The following COL16A1 variants were observed in gnomAD, a reference collection of about 807,000 sequenced individuals.
COL16A1 encodes collagen alpha-1(XVI) chain.
A neutral mutation model predicts 266.3 loss-of-function variants in COL16A1; 189 were observed. The ratio of observed to expected loss-of-function variants is 0.71; its 90% CI spans 0.63 to 0.80. COL16A1 has a LOEUF of 0.80. Among genes scored for constraint, COL16A1 ranks in the 30% least tolerant of loss-of-function variants. The pLI is 0.00. For synonymous variants in COL16A1, 740 were observed against 782.3 expected (o/e 0.95, Z 0.90); for missense variants, 1,928 against 2,122.4 (o/e 0.91, Z 1.80).
chr1:31,682,932 A>G lies in COL16A1; in HGVS notation c.2538+2T>C. On this transcript the variant is annotated splice_donor_variant, in intron 37 of 70. Coordinates refer to ENST00000373672, the MANE Select transcript of COL16A1 (RefSeq NM_001856.4). LOFTEE classifies it high-confidence loss of function. ...CCAGCATGGAGCACAGAGAAGACTTACCGGAGGCCCAGAGACACTGGCCCC... is the reference window on the plus strand; with the variant it reads ...CCAGCATGGAGCACAGAGAAGACTTGCCGGAGGCCCAGAGACACTGGCCCC... The G allele has an allele frequency of 6.2e-7, 1 of 1,613,996 alleles. No homozygotes were observed. Among genetic ancestry groups the G allele is most frequent in the East Asian group, 2.2e-5 (1 of 44,878 alleles).
chr1:31,680,126 G>T, intron 39 of COL16A1, 25 bp from the exon 40 acceptor site: 2 of 1,610,068 alleles, frequency 1.2e-6, no homozygotes, highest in Non-Finnish European at 1.7e-6. Context: ...GCCTTTGTGA[G>T]ACATGGATGA....
At chr1:31,695,078 T>C (rs1165651422) in intron 11 of COL16A1, 108 bp downstream of exon 11, 3 of 1,124,462 alleles carry the variant, frequency 2.7e-6, no homozygotes, top group Non-Finnish European at 1.3e-6. Context: ...AGTGTGAAAG[T>C]GTACAAAGAC....
chr1:31,689,110 C>A lies in COL16A1; in HGVS notation c.1621-25G>T. On this transcript the variant is annotated intron_variant, in intron 23 of 70. Coordinates refer to ENST00000373672, the MANE Select transcript of COL16A1 (RefSeq NM_001856.4). ...CCTGCAGGGTAAAAAGGTTTGTGGG[C>A]TGAGGCAGGGCACGATGGGGCACCC... 3 of 1,613,246 alleles carry A rather than the reference C, an allele frequency of 1.9e-6. No homozygotes were observed. In the Admixed American group the frequency reaches 5.0e-5, roughly 27 times the overall value.
At chr1:31,683,034 G>A (rs1171807039) in intron 36 of COL16A1, 32 bp from the exon 37 acceptor site, 4 of 1,613,542 alleles carry the variant, frequency 2.5e-6, no homozygotes, top group Non-Finnish European at 3.4e-6. Flanking sequence ...GGTCTCAGGG[G>A]CAGAATTGGA....
At chr1:31,671,221 TG>T (rs908463649) in intron 48 of COL16A1, among the ~76,000 whole-genome samples, 1 of 152,230 alleles carries the variant, frequency 6.6e-6, no homozygotes, top group African/African-American at 2.4e-5. Context: ...TTGTGGGGAC[TG>T]GAGTCACAGG....
chr1:31,681,259 G>A (rs529402954), intron 37 of COL16A1, among the ~76,000 whole-genome samples, 192 bp from the exon 38 acceptor site: 24 of 152,350 alleles, frequency 1.6e-4, no homozygotes, highest in Admixed American at 1.0e-3. Flanking sequence ...TCCTGAGCAC[G>A]TCTCAGTGCC....
At chr1:31,679,260 C>T in intron 42 of COL16A1, 1 of 725,736 alleles carries the variant, frequency 1.4e-6, no homozygotes, top group South Asian at 2.0e-5. Flanking sequence ...GTATTCACAG[C>T]AGTTAAAGCA....
rs766107868 is a variant in COL16A1 at position 31,690,509 on chromosome 1, G to A, written c.1482+20C>T. On this transcript the variant is annotated intron_variant, in intron 21 of 70. Coordinates refer to ENST00000373672, the MANE Select transcript of COL16A1 (RefSeq NM_001856.4). ...GCCTTGGAAGAGCCGACCCTCCCCC[G>A]CTGGATTGGTGTCACTCACAGGTTT... 80 of 1,613,868 alleles carry A rather than the reference G, an allele frequency of 5.0e-5. No individual in the cohort carries two copies. In the Admixed American group the frequency reaches 7.0e-4, roughly 14 times the overall value.
At chr1:31,695,283 T>A in intron 10 of COL16A1, 62 bp from the exon 11 acceptor site, 1 of 1,497,576 alleles carries the variant, frequency 6.7e-7, no homozygotes, top group Non-Finnish European at 9.3e-7. Flanking sequence ...CCTCCCCACC[T>A]CCATCACCAC....
intron 70 of COL16A1, 177 bp downstream of exon 70, chr1:31,653,422 G>C: frequency 2.8e-6 from 2 of 710,202 alleles, no homozygotes; most frequent in Non-Finnish European, 4.5e-6. Context: ...TGAGTCTTCC[G>C]CCCCCACATC....
chr1:31,697,929 C>T lies in COL16A1; in HGVS notation c.634G>A (p.Ala212Thr). The change falls in exon 6 of 71, where the codon GCT (alanine) becomes ACT (threonine). Residue 212 changes from alanine to threonine, a missense_variant. By Grantham distance (58) the Ala-to-Thr change is moderately conservative. Around this residue, in one of 2 missense-constraint regions of COL16A1, gnomAD observed 1,552 missense variants for 1,637.2 expected, o/e 0.95. Transcript: ENST00000373672. The surrounding 1 kb of genome is among the most constrained non-coding windows in gnomAD (Gnocchi z 4.2). Reference sequence around the variant, plus strand: ...ACCGAGACAGGCTTGCCCTGCTCAGCATCCAAGCCTAGAAATACATGGCCC... The same window carrying T: ...ACCGAGACAGGCTTGCCCTGCTCAGTATCCAAGCCTAGAAATACATGGCCC... ...PVGHVFLGLD[A>T]EQGKPVSFDL... 6.2e-7 allele frequency: 1 copy of T among 1,612,606 alleles called. No homozygotes were observed. Among genetic ancestry groups the T allele is most frequent in the Non-Finnish European group, 8.5e-7 (1 of 1,179,800 alleles).
chr1:31,673,299 A>G (rs948637944), intron 44 of COL16A1: 3 of 199,812 alleles, frequency 1.5e-5, no homozygotes, highest in African/African-American at 2.3e-5. Context: ...CAGATCTCAG[A>G]TTGCTCACAG....
Position 31,685,715 on chromosome 1 carries a change from C to A in COL16A1, c.1940G>T (p.Arg647Leu). Reference protein sequence around the residue: ...ALSNLQDGDVRVVALPGPSGE... With the variant: ...ALSNLQDGDVLVVALPGPSGE... Reference sequence around the variant, plus strand: ...GGATGGGCCAGGCAAGGCCACCACACGGACATCCCCATCCTGAAGGTTGGA... The same window carrying A: ...GGATGGGCCAGGCAAGGCCACCACAAGGACATCCCCATCCTGAAGGTTGGA... Residue 647 changes from arginine to leucine, a missense_variant, in exon 29 of 71, where the codon CGT becomes CTT. Arg to Leu is a moderately radical substitution (Grantham distance 102). This residue lies in a region of COL16A1 where 1,552 missense variants were observed against 1,637.2 expected (regional missense o/e 0.95). Coordinates refer to ENST00000373672, the MANE Select transcript of COL16A1 (RefSeq NM_001856.4). The surrounding 1 kb of genome is among the most constrained non-coding windows in gnomAD (Gnocchi z 4.0). The A allele has an allele frequency of 1.2e-6, 2 of 1,613,994 alleles. No individual in the cohort carries two copies. The highest frequency in any genetic ancestry group is 1.7e-6 in the Non-Finnish European group (2 of 1,180,018).
Position 31,698,248 on chromosome 1 carries a change from T to G in COL16A1, c.391-76A>C. 3 of 1,578,054 alleles carry G rather than the reference T, an allele frequency of 1.9e-6. No individual in the cohort carries two copies. In the South Asian group the frequency reaches 3.6e-5, roughly 19 times the overall value. On this transcript the variant is annotated intron_variant, in intron 5 of 70. Coordinates refer to ENST00000373672, the MANE Select transcript of COL16A1 (RefSeq NM_001856.4). The surrounding 1 kb of genome is among the most constrained non-coding windows in gnomAD (Gnocchi z 4.1). ...ACACCATGGGCACGTTCAGGGACCT[T>G]GAACTCATTTCACAGGAGGGGAACT... is the stretch of plus-strand genomic sequence containing the variant.
Position 31,683,264 on chromosome 1 carries a change from A to C in COL16A1, c.2416-17T>G. 6.2e-7 allele frequency: 1 copy of C among 1,614,172 alleles called. No individual in the cohort carries two copies. Among genetic ancestry groups the C allele is most frequent in the Non-Finnish European group, 8.5e-7 (1 of 1,180,018 alleles). On this transcript the variant is annotated splice_polypyrimidine_tract_variant and intron_variant, in intron 35 of 70. Transcript: ENST00000373672. ...CGGAAGTCCCTGCAGATGGAAGCAC[A>C]GTTAGTTAACCCATATCCTAGAATG...
In COL16A1 at chr1:31,662,754, G is replaced by A. The variant is rs141404150; in HGVS notation, c.3556-96C>T. The stretch of plus-strand genomic sequence containing the variant: ...ACCAGGCCCTGGGTCAAGGGTCCTG[G>A]TGACTGCTGGAAACAGGACAGCTGG... On this transcript the variant is annotated intron_variant, in intron 56 of 70. Transcript: ENST00000373672. 1.2e-3 allele frequency: 1,498 copies of A among 1,292,688 alleles called. 13 individuals carry two copies. The African/African-American group carries it at 0.02, about 17-fold the overall frequency. The allele number at this position is 1,292,688 out of a possible 1,614,324, so 80.1% of individuals were successfully genotyped here. A position where few individuals can be genotyped will look rare whatever the true frequency, so the allele number is the denominator to read the frequency against.
chr1:31,690,277 C>G, intron 22 of COL16A1, 90 bp downstream of exon 22: 1 of 1,582,976 alleles, frequency 6.3e-7, no homozygotes, highest in Non-Finnish European at 8.6e-7. Context: ...GTCCAGCACC[C>G]CTAGGCCTAG....
chr1:31,684,840 C>T lies in COL16A1; in HGVS notation c.2033G>A (p.Arg678His), dbSNP rs780498909. The T allele has an allele frequency of 8.4e-5, 136 of 1,614,010 alleles. No homozygotes were observed. The highest frequency in any genetic ancestry group is 1.1e-4 in the Non-Finnish European group (129 of 1,180,030). ...LPGKQGKAGE[R>H]GLKGQKGDAG... ...TCTCACCTTCTGCCCCTTCAGTCCACGCTCTCCAGCCTTGCCCTGAGGAGA... is the reference window on the plus strand; with the variant it reads ...TCTCACCTTCTGCCCCTTCAGTCCATGCTCTCCAGCCTTGCCCTGAGGAGA... The change falls in exon 30 of 71, where the codon CGT (arginine) becomes CAT (histidine). Residue 678 changes from arginine (R) to histidine (H), a missense_variant. This residue lies in a region of COL16A1 where 1,552 missense variants were observed against 1,637.2 expected (regional missense o/e 0.95). Transcript: ENST00000373672.
intron 47 of COL16A1, among the ~76,000 whole-genome samples, 164 bp downstream of exon 47, chr1:31,672,252 A>C (rs1230558293): frequency 6.6e-6 from 1 of 151,950 alleles, no homozygotes; most frequent in Non-Finnish European, 1.5e-5. Context: ...AGTGTGTCCT[A>C]CGCTGGGTCC....
Sources: gnomAD v4.1 joint callset for allele counts (sites outside exome capture counted in the v4.1 genomes callset) on GRCh38, gnomAD v4.1.1 for gene constraint, gnomAD v4.1.1 regional missense constraint, Gnocchi (gnomAD v3.1) non-coding constraint, MANE v1.5 for transcripts, NCBI Gene and HGNC (gene_info 2026-07-23, HGNC 2026-07-21) for gene names.